The following NCOR2 variants were observed in gnomAD, a reference collection of about 807,000 sequenced individuals.
NCOR2 encodes CTG repeat protein 26.
In NCOR2, 81 loss-of-function variants were observed where a neutral mutation model predicts 262.9. That is an observed-to-expected ratio of 0.31 (90% confidence interval 0.26 to 0.37). NCOR2 has a LOEUF of 0.37. Ranked by LOEUF, NCOR2 falls within the 10% of genes least tolerant of loss-of-function variation. The pLI, the probability that NCOR2 is intolerant of heterozygous loss-of-function variation, is 1.00. For synonymous variants in NCOR2, 1,659 were observed against 1,559.3 expected, an observed-to-expected ratio of 1.06 and a Z score of -1.51; for missense variants, 3,385 against 3,621.4, an observed-to-expected ratio of 0.93 and a Z score of 1.68.
At chr12:124,543,814 CGGAAA>C (rs1356165644) in intron 1 of NCOR2, among the ~76,000 whole-genome samples, 3 of 152,220 alleles carry the variant, frequency 2.0e-5, no homozygotes, top group Non-Finnish European at 4.4e-5. Flanking sequence ...CGCGGCAGCA[CGGAAA>C]GGCCAGCTGT....
chr12:124,362,319 G>A (rs769577312), intron 21 of NCOR2, 22 bp from the exon 24 acceptor site: 1 of 1,336,256 alleles, frequency 7.5e-7, no homozygotes, highest in East Asian at 2.7e-5. Context: ...AGGCAGAAGT[G>A]AGCATTCACA....
chr12:124,377,526 T>TA (rs2040097319), intron 18 of NCOR2, among the ~76,000 whole-genome samples: 2 of 152,148 alleles, frequency 1.3e-5, no homozygotes, highest in South Asian at 4.1e-4. Context: ...GGTTACCTTG[T>TA]AAAAGAGTTC....
chr12:124,433,908 A>ACACACG (rs2044176692), intron 8 of NCOR2, among the ~76,000 whole-genome samples: 1 of 147,244 alleles, frequency 6.8e-6, no homozygotes, highest in Non-Finnish European at 1.5e-5. Flanking sequence ...ACGCACACAC[A>ACACACG]CACACAGGGA....
At chr12:124,360,951 TTCC>T (rs1430120060) in intron 22 of NCOR2, among the ~76,000 whole-genome samples, 1 of 152,112 alleles carries the variant, frequency 6.6e-6, no homozygotes, top group East Asian at 1.9e-4. Flanking sequence ...GAGCAGAGAC[TTCC>T]TCTTCTCCCT....
intron 12 of NCOR2, among the ~76,000 whole-genome samples, chr12:124,422,006 G>A (rs1324981085): frequency 6.6e-6 from 1 of 152,242 alleles, no homozygotes; most frequent in Non-Finnish European, 1.5e-5. Flanking sequence ...GTCTGGTTTG[G>A]CATTAGAGGT....
chr12:124,372,084 G>C, exon 20 of NCOR2: 1 of 1,603,866 alleles, frequency 6.2e-7, no homozygotes, highest in Non-Finnish European at 8.5e-7. Context: ...CACTGGAGTC[G>C]CTGTCCTGGG....
intron 15 of NCOR2, among the ~76,000 whole-genome samples, chr12:124,399,030 C>T (rs905056428): frequency 3.3e-5 from 5 of 152,122 alleles, no homozygotes; most frequent in Non-Finnish European, 7.4e-5. Context: ...GTGCGAGGGA[C>T]GTCAGCTCCA....
At chr12:124,516,021 C>A (rs1466638209) in intron 1 of NCOR2, among the ~76,000 whole-genome samples, 4 of 152,220 alleles carry the variant, frequency 2.6e-5, no homozygotes, top group African/African-American at 7.2e-5. Context: ...CCCAAGTGGA[C>A]ACCAAGGCCC....
intron 4 of NCOR2, 35 bp from the exon 7 acceptor site, chr12:124,466,321 C>T (rs368768206): frequency 1.9e-4 from 299 of 1,585,044 alleles, no homozygotes; most frequent in Non-Finnish European, 2.3e-4. Flanking sequence ...GGATGAGCAC[C>T]CCAGCGGGCG....
chr12:124,478,894 C>G (rs1247055365), intron 3 of NCOR2, among the ~76,000 whole-genome samples: 1 of 152,154 alleles, frequency 6.6e-6, no homozygotes, highest in Non-Finnish European at 1.5e-5. Context: ...CAGAGACAGA[C>G]ACAGAGACTA....
At chr12:124,506,016 G>C (rs958920536) in intron 1 of NCOR2, among the ~76,000 whole-genome samples, 1 of 150,276 alleles carries the variant, frequency 6.7e-6, no homozygotes, top group African/African-American at 2.5e-5. Flanking sequence ...GAGGCTCCTC[G>C]GCCACTGGGA....
chr12:124,333,999 T>TGCGCGCATGTGTGTGG (rs2035625196), intron 41 of NCOR2, among the ~76,000 whole-genome samples: 1 of 150,906 alleles, frequency 6.6e-6, no homozygotes, highest in African/African-American at 2.4e-5. Flanking sequence ...CATGTGTGTG[T>TGCGCGCATGTGTGTGG]GTGCGCATGT....
Position 124,503,613 on chromosome 12 carries a change from CGGAT to C in NCOR2, c.-117-8249_-117-8246del, listed in dbSNP as rs771565942. Among the ~76,000 whole-genome samples, 77 of 139,222 alleles carry C rather than the reference CGGAT, an allele frequency of 5.5e-4. 1 individual carries two copies. Among genetic ancestry groups the C allele is most frequent in the East Asian group, 1.9e-3 (9 of 4,718 alleles). 91.3% of individuals were successfully genotyped at this position (139,222 alleles called of 152,430 possible). On this transcript the variant is annotated intron_variant, in intron 1 of 46. Coordinates refer to the NCOR2 transcript ENST00000404621. The surrounding 1 kb of genome is among the most constrained non-coding windows in gnomAD (Gnocchi z 4.3). ...ACGGATGGATGGATGGACGGACGGA[CGGAT>C]GGATGGATGGATGGATGGGCGAATG...
At chr12:124,474,267 C>T (rs988074041) in intron 3 of NCOR2, among the ~76,000 whole-genome samples, 5 of 152,198 alleles carry the variant, frequency 3.3e-5, no homozygotes, top group South Asian at 2.1e-4. Flanking sequence ...CCCAAACACA[C>T]GGAAAAGCCA....
At chr12:124,353,222 C>T (rs909656304) in intron 27 of NCOR2, among the ~76,000 whole-genome samples, 12 of 152,246 alleles carry the variant, frequency 7.9e-5, no homozygotes, top group Non-Finnish European at 1.8e-4. Flanking sequence ...ATGACTCTCC[C>T]AGGAATACTG....
chr12:124,333,824 G>A (rs899180809), intron 41 of NCOR2, among the ~76,000 whole-genome samples: 3 of 151,192 alleles, frequency 2.0e-5, no homozygotes, highest in East Asian at 3.9e-4. Flanking sequence ...GTGTCTACAG[G>A]GGTGTGCGGG....
exon 38 of NCOR2, chr12:124,336,903 C>G (rs372512195): frequency 1.2e-6 from 2 of 1,601,010 alleles, no homozygotes; most frequent in South Asian, 1.1e-5. Context: ...GCGATGGTGG[C>G]GTGGCCAGAG....
In NCOR2 at chr12:124,333,895, T is replaced by C. The variant is rs1299113506; in HGVS notation, c.6605+529A>G. On this transcript the variant is annotated intron_variant, in intron 41 of 46. Coordinates refer to ENST00000405201, the Ensembl canonical transcript of NCOR2. Reference sequence around the variant, plus strand: ...ATGTGTGCGGGTGTGCATGTGTGTGTGCGCGCGCATGTGTGCGGGTGTGCA... The same window carrying C: ...ATGTGTGCGGGTGTGCATGTGTGTGCGCGCGCGCATGTGTGCGGGTGTGCA... Among the ~76,000 whole-genome samples the C allele has an allele frequency of 1.9e-4, 12 of 62,492 alleles. 1 individual carries two copies. Among genetic ancestry groups the C allele is most frequent in the Admixed American group, 1.7e-3 (10 of 5,884 alleles). The allele number at this position is 62,492 out of a possible 152,430, so 41.0% of individuals were successfully genotyped here.
In NCOR2 at chr12:124,389,366, G is replaced by A. The variant is rs1462547944; in HGVS notation, c.1877-3479C>T. On this transcript the variant is annotated intron_variant, in intron 16 of 46. Transcript: ENST00000405201. The surrounding 1 kb of genome is among the most constrained non-coding windows in gnomAD (Gnocchi z 4.4). ...GGAGGCTCGCGGCGGGCGGGCAGGC[G>A]GGCGGGGGAGCGTGGCAGAGGCCCA... 1.3e-5 allele frequency among the ~76,000 whole-genome samples: 2 copies of A among 152,184 alleles called. No individual in the cohort carries two copies. Among genetic ancestry groups the A allele is most frequent in the East Asian group, 1.9e-4 (1 of 5,190 alleles).
Sources: gnomAD v4.1 joint callset for allele counts (sites outside exome capture counted in the v4.1 genomes callset) on GRCh38, gnomAD v4.1.1 for gene constraint, Gnocchi (gnomAD v3.1) non-coding constraint, MANE v1.5 for transcripts, NCBI Gene and HGNC (gene_info 2026-07-23, HGNC 2026-07-21) for gene names.